Variants in NDUFAF6 observed in about 807,000 individuals in gnomAD.
NDUFAF6 encodes NADH:ubiquinone oxidoreductase complex assembly factor 6.
In NDUFAF6, 45 loss-of-function variants were observed where a neutral mutation model predicts 40.8. The ratio of observed to expected loss-of-function variants is 1.10; its 90% CI spans 0.87 to 1.42. The LOEUF (loss-of-function observed/expected upper bound fraction) is 1.42, where lower values mean the gene tolerates loss of function less well. Among genes scored for constraint, NDUFAF6 ranks in the 40% most tolerant of loss-of-function variants. The pLI is 0.00. For synonymous variants in NDUFAF6, 185 were observed against 155.9 expected (o/e 1.19, Z -1.39); for missense variants, 435 against 418.5 (o/e 1.04, Z -0.34).
In NDUFAF6 at chr8:95,045,620, C is replaced by T. The variant is rs967513162; in HGVS notation, c.553C>T (p.Leu185Phe). 1.2e-6 allele frequency: 2 copies of T among 1,613,050 alleles called. No homozygotes were observed. ...TTATGCTGAAAACACACAGAGCTCT[C>T]TTCTTTACTTAACACTAGAAATATT... ...ENYAENTQSS[L>F]LYLTLEILGI... Residue 185 changes from leucine to phenylalanine, a missense_variant, in exon 5 of 9, where the codon CTT (leucine) becomes TTT (phenylalanine). Coordinates refer to ENST00000396124, the MANE Select transcript of NDUFAF6 (RefSeq NM_152416.4).
At chr8:94,936,026 A>G (rs894980371) in intron 1 of NDUFAF6, among the ~76,000 whole-genome samples, 1 of 152,216 alleles carries the variant, frequency 6.6e-6, no homozygotes, top group African/African-American at 2.4e-5. Context: ...TCTGTCTGAT[A>G]GTCTTATGTG....
chr8:94,996,194 C>A (rs932584735), intron 2 of NDUFAF6, among the ~76,000 whole-genome samples: 1 of 152,180 alleles, frequency 6.6e-6, no homozygotes, highest in African/African-American at 2.4e-5. Context: ...AATCCCAAGC[C>A]TCCAGGGTCT....
chr8:94,994,955 T>C (rs1051757333), intron 2 of NDUFAF6, among the ~76,000 whole-genome samples: 2 of 152,192 alleles, frequency 1.3e-5, no homozygotes, highest in Non-Finnish European at 2.9e-5. Context: ...AAAGTAGTAC[T>C]ATCATATGAT....
upstream of NDUFAF6, among the ~76,000 whole-genome samples, chr8:95,096,795 C>G (rs149089900): frequency 2.2e-3 from 333 of 152,330 alleles, 2 homozygotes; most frequent in African/African-American, 7.6e-3. Flanking sequence ...AACTGCCATA[C>G]CAGGTTCATT....
At chr8:94,968,977 G>T (rs1297396132) in intron 1 of NDUFAF6, among the ~76,000 whole-genome samples, 2 of 152,156 alleles carry the variant, frequency 1.3e-5, no homozygotes, top group African/African-American at 4.8e-5. Context: ...TTGCTCAGGT[G>T]GGGAGGATGA....
chr8:95,028,751 A>C (rs1030075017), intron 1 of NDUFAF6, among the ~76,000 whole-genome samples: 1 of 152,202 alleles, frequency 6.6e-6, no homozygotes, highest in Non-Finnish European at 1.5e-5. Flanking sequence ...CAGTTCGGTG[A>C]TGGAAGTTAA....
intron 2 of NDUFAF6, among the ~76,000 whole-genome samples, chr8:95,092,364 T>G (rs1203359458): frequency 1.3e-5 from 2 of 151,774 alleles, no homozygotes; most frequent in East Asian, 1.9e-4. Context: ...GTATTTTTAG[T>G]AGAGACGAGG....
chr8:95,009,752 A>C (rs1827153357), intron 2 of NDUFAF6, among the ~76,000 whole-genome samples: 1 of 152,164 alleles, frequency 6.6e-6, no homozygotes, highest in African/African-American at 2.4e-5. Context: ...TTCAGCAGAG[A>C]TCTCAAAAGA....
downstream of NDUFAF6, among the ~76,000 whole-genome samples, chr8:95,104,364 G>A (rs757501398): frequency 1.3e-5 from 2 of 152,106 alleles, no homozygotes. Flanking sequence ...CCTATCTTCT[G>A]CAATCCCCAC....
At chr8:94,960,434 T>TA (rs35983012) in intron 1 of NDUFAF6, among the ~76,000 whole-genome samples, 10 of 151,884 alleles carry the variant, frequency 6.6e-5, no homozygotes, top group African/African-American at 2.2e-4. Flanking sequence ...GCTGATGACT[T>TA]GTCTAAGTTC....
downstream of NDUFAF6, among the ~76,000 whole-genome samples, chr8:95,104,429 C>T (rs62524767): frequency 4.3e-3 from 649 of 152,304 alleles, no homozygotes; most frequent in Non-Finnish European, 7.7e-3. Context: ...TGCCTGGTCC[C>T]TGTACGCATT....
chr8:94,910,644 T>TG (rs1183838628), intron 1 of NDUFAF6, among the ~76,000 whole-genome samples: 1 of 152,214 alleles, frequency 6.6e-6, no homozygotes, highest in Non-Finnish European at 1.5e-5. Flanking sequence ...TTCCATTGTT[T>TG]GGCCTTGCAT....
intron 9 of NDUFAF6, among the ~76,000 whole-genome samples, chr8:95,075,229 A>G (rs1228141821): frequency 6.6e-6 from 1 of 152,238 alleles, no homozygotes; most frequent in Non-Finnish European, 1.5e-5. Flanking sequence ...AGGTTTCTAA[A>G]CCATGGACAC....
At chr8:94,931,988 T>G in intron 1 of NDUFAF6, 1 of 1,389,212 alleles carries the variant, frequency 7.2e-7, no homozygotes, top group Non-Finnish European at 9.9e-7. Flanking sequence ...AGAAAGAAAG[T>G]CATTTTTAAA....
At chr8:94,952,127 C>G (rs1159034185) in intron 2 of NDUFAF6, among the ~76,000 whole-genome samples, 2 of 152,232 alleles carry the variant, frequency 1.3e-5, no homozygotes, top group East Asian at 3.8e-4. Flanking sequence ...TCAATACGCT[C>G]CCTTATCTAC....
intron 1 of NDUFAF6, among the ~76,000 whole-genome samples, chr8:95,031,624 G>A (rs1193502704): frequency 6.6e-6 from 1 of 152,086 alleles, no homozygotes; most frequent in African/African-American, 2.4e-5. Flanking sequence ...TTTTGAGATA[G>A]AGTCTTGCTC....
intron 1 of NDUFAF6, among the ~76,000 whole-genome samples, chr8:94,971,810 C>T (rs961573620): frequency 1.3e-5 from 2 of 151,946 alleles, no homozygotes; most frequent in African/African-American, 4.8e-5. Flanking sequence ...TGGTGGCTTG[C>T]GCCTATAATC....
Position 95,045,551 on chromosome 8 carries a change from A to T in NDUFAF6, c.484A>T (p.Asn162Tyr). Residue 162 changes from asparagine (N) to tyrosine (Y), a missense_variant, in exon 5 of 9, where the codon AAT (asparagine) becomes TAT (tyrosine). Coordinates refer to ENST00000396124, the MANE Select transcript of NDUFAF6 (RefSeq NM_152416.4). ...TGCATTTTATTTGATGTAGGAAAAA[A>T]ATCTGGATGACAAAGCATATCGTAA... ...LMKIVDEREK[N>Y]LDDKAYRNIK... is the part of the protein sequence containing the mutation. 1 of 1,612,492 alleles carries T rather than the reference A, an allele frequency of 6.2e-7. No individual in the cohort carries two copies. The highest frequency in any genetic ancestry group is 8.5e-7 in the Non-Finnish European group (1 of 1,178,784).
At chr8:94,924,851 T>C (rs1050445398) in intron 1 of NDUFAF6, among the ~76,000 whole-genome samples, 2 of 152,156 alleles carry the variant, frequency 1.3e-5, no homozygotes, top group Non-Finnish European at 2.9e-5. Context: ...CAAGCAATTC[T>C]CCTGCCTCAG....
Sources: allele counts gnomAD v4.1 joint callset (sites outside exome capture counted in the v4.1 genomes callset), GRCh38; gene constraint gnomAD v4.1.1; transcripts MANE v1.5; gene names NCBI Gene and HGNC (gene_info 2026-07-23, HGNC 2026-07-21).